Variants in IKZF3 observed in about 807,000 individuals in gnomAD.
The protein encoded by IKZF3 is IKAROS family zinc finger 3.
IKZF3 carries 10 observed loss-of-function variants against 49.0 expected under a neutral mutation model. The observed-to-expected ratio is 0.20, with a 90% CI of 0.13 to 0.35. The LOEUF is 0.35. Ranked by LOEUF, IKZF3 falls within the 10% of genes least tolerant of loss-of-function variation. The pLI, the probability that IKZF3 is intolerant of heterozygous loss-of-function variation, is 1.00. For synonymous variants in IKZF3, 209 were observed against 228.2 expected, an observed-to-expected ratio of 0.92 and a Z score of 0.76; for missense variants, 498 against 664.8, an observed-to-expected ratio of 0.75 and a Z score of 2.76.
chr17:39,788,299 C>T lies in IKZF3; in HGVS notation c.668G>A (p.Arg223His). ...QRSSLEEHKE[R>H]CRTFLQSTDP... ...AGTGCTCTGAAGAAATGTACGGCAG[C>T]GCTCCTTGTGCTCCTCAAGGGAACT... is the stretch of plus-strand genomic sequence containing the variant. Residue 223 changes from arginine to histidine, a missense_variant, in exon 6 of 8, where the codon CGC becomes CAC. Physicochemically the swap from Arg to His is conservative, Grantham distance 29. Around this residue, in one of 3 missense-constraint regions of IKZF3, gnomAD observed 317 missense variants for 397.3 expected, o/e 0.80. Transcript: ENST00000346872. The T allele has an allele frequency of 3.7e-6, 6 of 1,613,800 alleles. No homozygotes were observed. Among genetic ancestry groups the T allele is most frequent in the Non-Finnish European group, 4.2e-6 (5 of 1,179,782 alleles).
At chr17:39,774,690 ACC>A (rs1450425787) in intron 7 of IKZF3, among the ~76,000 whole-genome samples, 1 of 152,204 alleles carries the variant, frequency 6.6e-6, no homozygotes, top group East Asian at 1.9e-4. Context: ...AAACAAGAAT[ACC>A]ATATATATGA....
At chr17:39,802,427 T>C (rs1299782976) in intron 3 of IKZF3, among the ~76,000 whole-genome samples, 1 of 150,948 alleles carries the variant, frequency 6.6e-6, no homozygotes, top group Admixed American at 6.6e-5. Flanking sequence ...GGCAACAAAG[T>C]AAGACCCTGT....
chr17:39,824,173 T>C (rs184675464), intron 3 of IKZF3, among the ~76,000 whole-genome samples: 2 of 152,354 alleles, frequency 1.3e-5, no homozygotes, highest in East Asian at 1.9e-4. Flanking sequence ...ATGTGAGACA[T>C]GGAGTCAAAG....
In IKZF3 at chr17:39,801,366, G is replaced by A. The variant is rs977509736; in HGVS notation, c.164-8433C>T. 5.9e-5 allele frequency among the ~76,000 whole-genome samples: 8 copies of A among 136,182 alleles called. No homozygotes were observed. In the South Asian group the frequency reaches 8.0e-4, roughly 14 times the overall value. The allele number at this position is 136,182 out of a possible 152,430, so 89.3% of individuals were successfully genotyped here. On this transcript the variant is annotated intron_variant, in intron 3 of 7. Transcript: ENST00000346872. ...GGCTAAAAGAAAGGGGGTGGGGGGG[G>A]GCTTTTCTAGCACGCCATTTTCTAA...
intron 3 of IKZF3, among the ~76,000 whole-genome samples, chr17:39,826,786 C>T (rs969785766): frequency 1.3e-5 from 2 of 152,158 alleles, no homozygotes; most frequent in Non-Finnish European, 2.9e-5. Context: ...GATGCTACAG[C>T]CACTGCAGAA....
chr17:39,811,815 T>C (rs2061567583), intron 3 of IKZF3, among the ~76,000 whole-genome samples: 1 of 152,186 alleles, frequency 6.6e-6, no homozygotes, highest in Admixed American at 6.5e-5. Context: ...TCCCAGAACT[T>C]TGGCACAAAA....
chr17:39,822,871 C>T (rs573091724), intron 3 of IKZF3, among the ~76,000 whole-genome samples: 6 of 152,212 alleles, frequency 3.9e-5, no homozygotes, highest in South Asian at 4.2e-4. Flanking sequence ...CATGAGCCAC[C>T]GTGCCCAGCT....
At chr17:39,838,800 T>G (rs2062378673) in intron 1 of IKZF3, among the ~76,000 whole-genome samples, 1 of 152,220 alleles carries the variant, frequency 6.6e-6, no homozygotes, top group African/African-American at 2.4e-5. Flanking sequence ...AATTGTGAAT[T>G]CTATATGTTC....
At chr17:39,835,308 C>A in intron 1 of IKZF3, 1 of 542,376 alleles carries the variant, frequency 1.8e-6, no homozygotes, top group Non-Finnish European at 3.6e-6. Context: ...GAGCAGCTGA[C>A]GCGCCACGTC....
chr17:39,799,011 G>GTC (rs1481126740), intron 3 of IKZF3, among the ~76,000 whole-genome samples: 1 of 151,592 alleles, frequency 6.6e-6, no homozygotes, highest in African/African-American at 2.4e-5. Flanking sequence ...GTGTGTGTGT[G>GTC]TGTGTGTGTT....
chr17:39,850,083 A>G (rs1297406542), intron 1 of IKZF3, among the ~76,000 whole-genome samples: 6 of 96,048 alleles, frequency 6.2e-5, no homozygotes, highest in Non-Finnish European at 2.8e-5. Context: ...CTATATGCAT[A>G]TATACTATAT....
Position 39,763,238 on chromosome 17 carries a change from C to T in IKZF3, c.*2552G>A, listed in dbSNP as rs951242189. Reference sequence around the variant, plus strand: ...ATAAAACCTTTTTTCCTGAGACAGACGCCATGCCACAAAGAAGGATAAGCC... The same window carrying T: ...ATAAAACCTTTTTTCCTGAGACAGATGCCATGCCACAAAGAAGGATAAGCC... On this transcript the variant is annotated 3_prime_UTR_variant, in exon 8 of 8. Transcript: ENST00000346872. The T allele has an allele frequency of 1.3e-5, 2 of 152,126 alleles. No individual in the cohort carries two copies. Among genetic ancestry groups the T allele is most frequent in the South Asian group, 2.1e-4 (1 of 4,832 alleles). The allele number at this position is 152,126 out of a possible 1,614,324, so 9.4% of individuals were successfully genotyped here.
At chr17:39,849,744 A>AT (rs2062744487) in intron 1 of IKZF3, among the ~76,000 whole-genome samples, 1 of 152,182 alleles carries the variant, frequency 6.6e-6, no homozygotes, top group Non-Finnish European at 1.5e-5. Flanking sequence ...GCCGATAAAC[A>AT]TAAGAAAAGA....
chr17:39,787,943 A>G (rs934584711), intron 6 of IKZF3, among the ~76,000 whole-genome samples: 8 of 152,144 alleles, frequency 5.3e-5, no homozygotes, highest in Non-Finnish European at 1.0e-4. Flanking sequence ...ACTTCTTCAA[A>G]TTTGTGCCCC....
At position 39,837,093 on chromosome 17, in the gene IKZF3, C is replaced by T. The variant is rs532922073; in HGVS notation, c.8-4942G>A. On this transcript the variant is annotated intron_variant, in intron 1 of 7. Transcript: ENST00000346872. ...ACTACAGAAGCACCACCATGCCTGG[C>T]TAATTTAAAAAAAATTCTTTTGTAG... is the stretch of plus-strand genomic sequence containing the variant. 2.0e-5 allele frequency among the ~76,000 whole-genome samples: 3 copies of T among 151,492 alleles called. No homozygotes were observed. The South Asian group carries it at 6.3e-4, about 32-fold the overall frequency.
At chr17:39,841,348 C>A (rs146239173) in intron 1 of IKZF3, among the ~76,000 whole-genome samples, 1 of 152,052 alleles carries the variant, frequency 6.6e-6, no homozygotes, top group Non-Finnish European at 1.5e-5. Flanking sequence ...GCAGCCCCCA[C>A]TAGAGGCTAA....
In IKZF3 at chr17:39,791,588, A is replaced by T. The variant is rs1166393301; in HGVS notation, c.425-5T>A. On this transcript the variant is annotated splice_polypyrimidine_tract_variant and splice_region_variant and intron_variant, in intron 4 of 7. Transcript: ENST00000346872. ...TACACTGGAATGGGCGTTCACCTTT[A>T]AAAAGGACAAAAAAGGAGATTTCTG... The T allele has an allele frequency of 1.2e-6, 2 of 1,613,392 alleles. No individual in the cohort carries two copies. The highest frequency in any genetic ancestry group is 2.7e-5 in the African/African-American group (2 of 74,882).
intron 1 of IKZF3, chr17:39,835,281 A>G (rs1294567571): frequency 7.2e-6 from 4 of 553,288 alleles, no homozygotes; most frequent in African/African-American, 1.9e-5. Context: ...CTTGATGGTC[A>G]TCAGCTCCTG....
At chr17:39,776,456 C>T (rs775829308) in intron 7 of IKZF3, among the ~76,000 whole-genome samples, 10 of 152,184 alleles carry the variant, frequency 6.6e-5, no homozygotes, top group Non-Finnish European at 1.5e-4. Flanking sequence ...CCTGACATGT[C>T]TCACCAAGGG....
Sources: gnomAD v4.1 joint callset for allele counts (sites outside exome capture counted in the v4.1 genomes callset) on GRCh38, gnomAD v4.1.1 for gene constraint, gnomAD v4.1.1 regional missense constraint, MANE v1.5 for transcripts, NCBI Gene and HGNC (gene_info 2026-07-23, HGNC 2026-07-21) for gene names.